The following GPR39 variants were observed in gnomAD, a reference collection of about 807,000 sequenced individuals.
GPR39 encodes zinc sensing receptor.
Under a neutral mutation model 18.4 loss-of-function variants are expected in GPR39, and 23 were observed. That is an observed-to-expected ratio of 1.25 (90% CI 0.90 to 1.77). GPR39 has a LOEUF of 1.77. Ranked by LOEUF, GPR39 falls within the 40% of genes most tolerant of loss-of-function variation. GPR39 has a pLI of 0.00. For synonymous variants in GPR39, 280 were observed against 257.9 expected, an observed-to-expected ratio of 1.09 and a Z score of -0.82; for missense variants, 647 against 602.4, an observed-to-expected ratio of 1.07 and a Z score of -0.78.
At chr2:132,535,907 T>A (rs977450088) in intron 1 of GPR39, among the ~76,000 whole-genome samples, 7 of 151,760 alleles carry the variant, frequency 4.6e-5, no homozygotes, top group African/African-American at 1.7e-4. Context: ...GGGTCAGTGG[T>A]GCTATCCCCT....
rs563714123 is a variant in GPR39, at chr2:132,475,877, C to G, written c.856+57979C>G. Among the ~76,000 whole-genome samples the G allele has an allele frequency of 2.6e-5, 4 of 152,302 alleles. No homozygotes were observed. In the South Asian group the frequency reaches 8.3e-4, roughly 32 times the overall value. Reference sequence around the variant, plus strand: ...TTCACAAATAGCCATTTCACACTCCCATCCTCATAGTTGTCATTATCTTCT... The same window carrying G: ...TTCACAAATAGCCATTTCACACTCCGATCCTCATAGTTGTCATTATCTTCT... On this transcript the variant is annotated intron_variant, in intron 1 of 1. Transcript: ENST00000329321.
Position 132,619,832 on chromosome 2 carries a change from C to CACAG in GPR39, c.857-25266_857-25265insGACA, listed in dbSNP as rs778909919. On this transcript the variant is annotated intron_variant, in intron 1 of 1. Transcript: ENST00000329321. ...ACATACACACAGACACAGACACAGA[C>CACAG]ACACACACACACACACACACACACA... 8.1e-3 allele frequency among the ~76,000 whole-genome samples: 724 copies of CACAG among 89,826 alleles called. 1 individual carries two copies. Among genetic ancestry groups the CACAG allele is most frequent in the South Asian group, 0.015 (48 of 3,128 alleles). 58.9% of individuals were successfully genotyped at this position (89,826 alleles called of 152,430 possible). A position where few individuals can be genotyped will look rare whatever the true frequency, so the allele number is the denominator to read the frequency against.
chr2:132,472,576 T>C (rs2104784049), intron 1 of GPR39, among the ~76,000 whole-genome samples: 1 of 152,144 alleles, frequency 6.6e-6, no homozygotes, highest in East Asian at 1.9e-4. Flanking sequence ...TTCTCCTCCA[T>C]CCGTTGGTCA....
chr2:132,557,087 G>A (rs555366432), intron 1 of GPR39, among the ~76,000 whole-genome samples: 7 of 152,188 alleles, frequency 4.6e-5, no homozygotes, highest in Non-Finnish European at 7.4e-5. Flanking sequence ...AGGCCAAGGG[G>A]GGGGGCAGAT....
chr2:132,569,666 T>C (rs114188921), intron 1 of GPR39, among the ~76,000 whole-genome samples: 2,586 of 152,032 alleles, frequency 0.017, 94 homozygotes, highest in African/African-American at 0.058. Context: ...TAGAGCTGGC[T>C]GTCAACCTGA....
intron 1 of GPR39, among the ~76,000 whole-genome samples, chr2:132,623,206 G>C (rs1681477379): frequency 6.6e-6 from 1 of 152,182 alleles, no homozygotes; most frequent in Non-Finnish European, 1.5e-5. Flanking sequence ...TCAGAGCTCA[G>C]TCCTCAAGAA....
At chr2:132,543,206 T>C (rs1679890964) in intron 1 of GPR39, among the ~76,000 whole-genome samples, 1 of 152,210 alleles carries the variant, frequency 6.6e-6, no homozygotes, top group African/African-American at 2.4e-5. Flanking sequence ...AGCAGGTTTC[T>C]GGTTGCCCCT....
intron 1 of GPR39, among the ~76,000 whole-genome samples, chr2:132,438,573 C>CTTTTTTTTTTTTTTTTTTTT (rs35614907): frequency 9.2e-5 from 9 of 97,764 alleles, no homozygotes; most frequent in South Asian, 3.6e-4. Flanking sequence ...TGTCAGCAAG[C>CTTTTTTTTTTTTTTTTTTTT]TTTTTTTTTT....
chr2:132,475,477 G>A lies in GPR39; in HGVS notation c.856+57579G>A, dbSNP rs188257100. ...TCAGTACGTGATCTTTCGACAAGTT[G>A]ATTGAGGGAGGTGGGGGAACTGTTT... On this transcript the variant is annotated intron_variant, in intron 1 of 1. Transcript: ENST00000329321. 3.8e-3 allele frequency among the ~76,000 whole-genome samples: 583 copies of A among 152,108 alleles called. 2 individuals are homozygous for A. Among genetic ancestry groups the A allele is most frequent in the African/African-American group, 0.013 (548 of 41,466 alleles).
intron 1 of GPR39, among the ~76,000 whole-genome samples, chr2:132,610,234 T>C (rs1242078434): frequency 1.3e-5 from 2 of 152,140 alleles, no homozygotes; most frequent in Non-Finnish European, 2.9e-5. Context: ...TTTGTTCTTT[T>C]GTTCAATGCT....
intron 1 of GPR39, among the ~76,000 whole-genome samples, chr2:132,629,282 T>C (rs1681606556): frequency 6.6e-6 from 1 of 152,166 alleles, no homozygotes; most frequent in Non-Finnish European, 1.5e-5. Context: ...AAAATGCAGA[T>C]CCTGACCACA....
At chr2:132,533,964 A>G (rs1415314508) in intron 1 of GPR39, among the ~76,000 whole-genome samples, 2 of 152,314 alleles carry the variant, frequency 1.3e-5, no homozygotes, top group Non-Finnish European at 2.9e-5. Flanking sequence ...ACCAAAAGCA[A>G]TGGCAACAAA....
intron 1 of GPR39, among the ~76,000 whole-genome samples, chr2:132,611,720 A>G (rs1681242928): frequency 6.6e-6 from 1 of 152,022 alleles, no homozygotes; most frequent in South Asian, 2.1e-4. Flanking sequence ...GAACACCCAC[A>G]TCCTTGTTCC....
At chr2:132,555,676 C>T (rs1315971081) in intron 1 of GPR39, among the ~76,000 whole-genome samples, 1 of 152,134 alleles carries the variant, frequency 6.6e-6, no homozygotes, top group East Asian at 1.9e-4. Context: ...ATATAGACCA[C>T]CAGTGATTCA....
At chr2:132,534,280 C>T (rs1199525891) in intron 1 of GPR39, among the ~76,000 whole-genome samples, 2 of 151,364 alleles carry the variant, frequency 1.3e-5, no homozygotes, top group Admixed American at 6.6e-5. Context: ...AAATCAAAAC[C>T]ACTATGAGAT....
At chr2:132,535,001 A>AC in intron 1 of GPR39, among the ~76,000 whole-genome samples, 1 of 151,784 alleles carries the variant, frequency 6.6e-6, no homozygotes, top group East Asian at 1.9e-4. Context: ...ATAATTAAAA[A>AC]AAAAACATGT....
chr2:132,506,985 A>G (rs970333350), intron 1 of GPR39, among the ~76,000 whole-genome samples: 2 of 151,528 alleles, frequency 1.3e-5, no homozygotes, highest in Non-Finnish European at 2.9e-5. Flanking sequence ...TCTTGAGTTG[A>G]TTTTTTTCTC....
intron 1 of GPR39, among the ~76,000 whole-genome samples, chr2:132,477,284 C>T (rs1216011769): frequency 6.6e-6 from 1 of 152,054 alleles, no homozygotes; most frequent in African/African-American, 2.4e-5. Context: ...GTAGAAGATA[C>T]ATAGATGAGG....
chr2:132,575,608 A>G (rs1341469886), intron 1 of GPR39, among the ~76,000 whole-genome samples: 1 of 152,226 alleles, frequency 6.6e-6, no homozygotes, highest in Non-Finnish European at 1.5e-5. Flanking sequence ...CCTTGTCAGC[A>G]TCTGGTGTTG....
Sources: allele counts gnomAD v4.1 joint callset (sites outside exome capture counted in the v4.1 genomes callset), GRCh38; gene constraint gnomAD v4.1.1; transcripts MANE v1.5; gene names NCBI Gene and HGNC (gene_info 2026-07-23, HGNC 2026-07-21).